RGS6: variants seen among roughly 807,000 people sequenced by gnomAD.
The protein encoded by RGS6 is regulator of G protein signaling 6.
Under a neutral mutation model 78.5 loss-of-function variants are expected in RGS6, and 30 were observed. That is an observed-to-expected ratio of 0.38 (90% CI 0.29 to 0.52). The LOEUF (loss-of-function observed/expected upper bound fraction) is 0.52, where lower values mean the gene tolerates loss of function less well. Ranked by LOEUF, RGS6 falls within the 20% of genes least tolerant of loss-of-function variation. RGS6 has a pLI of 0.85. For missense variants in RGS6, 495 were observed against 609.7 expected (o/e 0.81, Z 1.98); for synonymous variants, 206 against 206.0 (o/e 1.00, Z 0.00).
Position 72,562,664 on chromosome 14 carries a change from G to T in RGS6, c.*197G>T. 1 of 1,536,186 alleles carries T rather than the reference G, an allele frequency of 6.5e-7. No individual in the cohort carries two copies. The highest frequency in any genetic ancestry group is 1.2e-5 in the South Asian group (1 of 84,058). ...CAGAAAGAAAGAGTCCACAGAGCCT[G>T]GGCTGGGCCCGGTGGAGGCTCCTGT... On this transcript the variant is annotated 3_prime_UTR_variant, in exon 18 of 18. Transcript: ENST00000553525.
At chr14:72,146,547 T>C (rs1387789947) in intron 2 of RGS6, among the ~76,000 whole-genome samples, 1 of 152,156 alleles carries the variant, frequency 6.6e-6, no homozygotes, top group Non-Finnish European at 1.5e-5. Context: ...AAACAATTTA[T>C]CTATTTTTGA....
chr14:72,495,380 C>T (rs1370787459), intron 13 of RGS6, 118 bp downstream of exon 13: 2 of 698,264 alleles, frequency 2.9e-6, no homozygotes, highest in African/African-American at 1.8e-5. Context: ...ACAGAAACCC[C>T]TCAAGTAGCC....
chr14:72,495,354 A>AT (rs1005771237), intron 13 of RGS6, 92 bp downstream of exon 13: 8 of 877,832 alleles, frequency 9.1e-6, no homozygotes, highest in African/African-American at 5.0e-5. Flanking sequence ...TTAATTTGAC[A>AT]TTTTTTATCG....
At chr14:72,120,676 A>G (rs1276852536) in intron 2 of RGS6, among the ~76,000 whole-genome samples, 1 of 152,214 alleles carries the variant, frequency 6.6e-6, no homozygotes, top group Non-Finnish European at 1.5e-5. Flanking sequence ...GCATACATGA[A>G]TCTCAGAAAT....
rs369000888 is a variant in RGS6 at position 72,365,497 on chromosome 14, C to T, written c.184+13303C>T. ...TTTGTTTACAACCTTCCTAAGGTGT[C>T]GATGTCTACCAGTTGGAACAGTGAC... is the stretch of plus-strand genomic sequence containing the variant. On this transcript the variant is annotated intron_variant, in intron 3 of 17. Transcript: ENST00000553525. Among the ~76,000 whole-genome samples, 6 of 152,140 alleles carry T rather than the reference C, an allele frequency of 3.9e-5. No homozygotes were observed. In the East Asian group the frequency reaches 1.2e-3, roughly 29 times the overall value.
the RGS6 span, among the ~76,000 whole-genome samples, chr14:72,588,031 G>C: frequency 6.6e-6 from 1 of 152,190 alleles, no homozygotes; most frequent in South Asian, 2.1e-4. Flanking sequence ...ACCAGAAAGA[G>C]GCAGCCCTTT....
intron 9 of RGS6, 89 bp downstream of exon 9, chr14:72,473,042 G>T: frequency 1.2e-6 from 1 of 849,734 alleles, no homozygotes; most frequent in Non-Finnish European, 1.8e-6. Context: ...TTAGCCACCA[G>T]GTGTCTCATT....
At chr14:72,025,841 C>T (rs997664297) in intron 2 of RGS6, among the ~76,000 whole-genome samples, 1 of 152,050 alleles carries the variant, frequency 6.6e-6, no homozygotes, top group African/African-American at 2.4e-5. Context: ...GATGTCAGAG[C>T]CAAGATCCAA....
chr14:72,487,558 G>A (rs2096511374), intron 12 of RGS6, among the ~76,000 whole-genome samples: 1 of 152,210 alleles, frequency 6.6e-6, no homozygotes, highest in East Asian at 1.9e-4. Flanking sequence ...CCGGAAATGT[G>A]GAAGAGAGAG....
the RGS6 span, among the ~76,000 whole-genome samples, chr14:72,625,266 T>G: frequency 6.6e-6 from 1 of 152,180 alleles, no homozygotes; most frequent in African/African-American, 2.4e-5. Flanking sequence ...TTCTCCTCTG[T>G]TTACTTATTT....
chr14:72,116,142 A>G (rs987765237), intron 2 of RGS6, among the ~76,000 whole-genome samples: 1 of 152,232 alleles, frequency 6.6e-6, no homozygotes, highest in South Asian at 2.1e-4. Context: ...GGGCATGGAT[A>G]TTGTACACAC....
intron 12 of RGS6, among the ~76,000 whole-genome samples, chr14:72,481,663 G>A (rs950837832): frequency 6.6e-6 from 1 of 152,082 alleles, no homozygotes; most frequent in Non-Finnish European, 1.5e-5. Flanking sequence ...GCATTTCCTA[G>A]GCTGCCTTTT....
At chr14:71,951,623 A>G (rs1263232061) in intron 1 of RGS6, among the ~76,000 whole-genome samples, 1 of 152,160 alleles carries the variant, frequency 6.6e-6, no homozygotes, top group East Asian at 1.9e-4. Context: ...TACTGTATAA[A>G]TTTTAAAGTC....
intron 2 of RGS6, among the ~76,000 whole-genome samples, chr14:72,311,474 A>T (rs1313400121): frequency 6.6e-6 from 1 of 152,078 alleles, no homozygotes; most frequent in African/African-American, 2.4e-5. Flanking sequence ...CTGAAGGTTA[A>T]GTGAGCCTTT....
intron 2 of RGS6, among the ~76,000 whole-genome samples, chr14:72,019,982 T>C (rs2088019240): frequency 6.6e-6 from 1 of 152,214 alleles, no homozygotes; most frequent in Non-Finnish European, 1.5e-5. Flanking sequence ...TGACAGCCTC[T>C]CTGAGCCCTG....
chr14:72,518,456 A>G lies in RGS6; in HGVS notation c.1197A>G (p.Ala399=), dbSNP rs1233117548. Residue 399 remains alanine (A), a synonymous_variant, in exon 15 of 18, where the codon GCA becomes GCG. Transcript: ENST00000553525. ...QEFLAPGAPS[A]INLDSHSYEI... ...TTCTGGCTCCAGGGGCTCCAAGTGC[A>G]ATCAACCTGGATTCTCACAGCTATG... The G allele has an allele frequency of 2.5e-6, 4 of 1,614,094 alleles. No homozygotes were observed. In the African/African-American group the frequency reaches 5.3e-5, roughly 22 times the overall value.
rs868549144 is a variant in RGS6, at chr14:72,090,088, G to T, written c.84+125213G>T. 3.4e-5 allele frequency among the ~76,000 whole-genome samples: 5 copies of T among 147,344 alleles called. No homozygotes were observed. In the East Asian group the frequency reaches 9.8e-4, roughly 29 times the overall value. On this transcript the variant is annotated intron_variant, in intron 2 of 17. Transcript: ENST00000553525. ...AGATCATGCCACTGCACTCCAGCCC[G>T]GGTGACAGAGCAAGACTCCATCTCA...
At chr14:72,394,259 A>C (rs980554537) in intron 3 of RGS6, among the ~76,000 whole-genome samples, 1 of 152,192 alleles carries the variant, frequency 6.6e-6, no homozygotes, top group Non-Finnish European at 1.5e-5. Context: ...CCTAAGCCAC[A>C]AAACCAGCAG....
chr14:71,938,326 G>C (rs145980135), intron 1 of RGS6, among the ~76,000 whole-genome samples: 1 of 152,124 alleles, frequency 6.6e-6, no homozygotes. Flanking sequence ...ATATATAATC[G>C]CATATTGGGC....
Sources: gnomAD v4.1 joint callset for allele counts (sites outside exome capture counted in the v4.1 genomes callset) on GRCh38, gnomAD v4.1.1 for gene constraint, MANE v1.5 for transcripts, NCBI Gene and HGNC (gene_info 2026-07-23, HGNC 2026-07-21) for gene names.